The following TOGARAM2 variants were observed in gnomAD, a reference collection of about 807,000 sequenced individuals.
TOGARAM2 encodes TOG array regulator of axonemal microtubules 2, also known as TOG array regulator of axonemal microtubules protein 2.
A neutral mutation model predicts 93.3 loss-of-function variants in TOGARAM2; 85 were observed. The ratio of observed to expected loss-of-function variants is 0.91; its 90% CI spans 0.76 to 1.09. The LOEUF is 1.09. Among genes scored for constraint, TOGARAM2 ranks in the 50% least tolerant of loss-of-function variants. The probability of loss-of-function intolerance (pLI) is 0.00; values close to 1 mark genes in which losing one functional copy is unlikely to be tolerated. For synonymous variants in TOGARAM2, 593 were observed against 552.8 expected, an observed-to-expected ratio of 1.07 and a Z score of -1.02; for missense variants, 1,277 against 1,334.5, an observed-to-expected ratio of 0.96 and a Z score of 0.67.
At chr2:29,041,065 C>T (rs1011770498) in intron 18 of TOGARAM2, among the ~76,000 whole-genome samples, 2 of 149,632 alleles carry the variant, frequency 1.3e-5, no homozygotes, top group African/African-American at 5.0e-5. Flanking sequence ...GGCTCTGTCA[C>T]CCAGGCTGGA....
intron 18 of TOGARAM2, among the ~76,000 whole-genome samples, chr2:29,037,286 G>A (rs924955725): frequency 3.9e-5 from 6 of 152,132 alleles, no homozygotes; most frequent in Admixed American, 3.9e-4. Flanking sequence ...TCCTCTCATG[G>A]ATGCTAAAAG....
rs548774513 is a variant in TOGARAM2, at chr2:29,006,178, C to T, written c.830+2496C>T. ...AAGTACATGTGTGAGCATGTGTGAC[C>T]ACATGTGTGTGCATGTGTGTGAGTG... On this transcript the variant is annotated intron_variant, in intron 6 of 19. Transcript: ENST00000379558. Among the ~76,000 whole-genome samples, 9 of 72,628 alleles carry T rather than the reference C, an allele frequency of 1.2e-4. No individual in the cohort carries two copies. In the South Asian group the frequency reaches 1.9e-3, roughly 15 times the overall value. The allele number at this position is 72,628 out of a possible 152,430, so 47.6% of individuals were successfully genotyped here. A position where few individuals can be genotyped will look rare whatever the true frequency, so the allele number is the denominator to read the frequency against.
intron 3 of TOGARAM2, 72 bp from the exon 4 acceptor site, chr2:28,999,109 A>C: frequency 6.8e-7 from 1 of 1,475,688 alleles, no homozygotes; most frequent in Non-Finnish European, 9.1e-7. Flanking sequence ...AAGCAATGTC[A>C]AGGAGCTTGC....
chr2:29,014,001 G>A (rs1262059785), intron 7 of TOGARAM2, among the ~76,000 whole-genome samples: 1 of 152,136 alleles, frequency 6.6e-6, no homozygotes, highest in Non-Finnish European at 1.5e-5. Flanking sequence ...CAAGCCCATG[G>A]TCATATGAAA....
intron 19 of TOGARAM2, chr2:29,047,336 T>C (rs1173177430): frequency 6.6e-6 from 1 of 152,248 alleles, no homozygotes; most frequent in Non-Finnish European, 1.5e-5. Context: ...CTGGGTAATT[T>C]ACGGGGCCCA....
chr2:28,970,604 A>T (rs1349732331), intron 1 of TOGARAM2, among the ~76,000 whole-genome samples: 1 of 152,046 alleles, frequency 6.6e-6, no homozygotes, highest in Non-Finnish European at 1.5e-5. Flanking sequence ...ATCACTATCC[A>T]CCTATATCAA....
At chr2:28,977,002 TC>T (rs1460538754), upstream of TOGARAM2, among the ~76,000 whole-genome samples, 2 of 151,178 alleles carry the variant, frequency 1.3e-5, no homozygotes, top group Non-Finnish European at 1.5e-5. Flanking sequence ...GCCTCCATTA[TC>T]CGCTTTTCTA....
At chr2:29,041,913 G>A (rs993011377) in intron 18 of TOGARAM2, among the ~76,000 whole-genome samples, 1 of 152,228 alleles carries the variant, frequency 6.6e-6, no homozygotes, top group African/African-American at 2.4e-5. Flanking sequence ...GCTGATACTT[G>A]CATAGTAATT....
intron 4 of TOGARAM2, among the ~76,000 whole-genome samples, chr2:28,999,927 A>T (rs1441029045): frequency 6.6e-6 from 1 of 151,920 alleles, no homozygotes; most frequent in African/African-American, 2.4e-5. Context: ...TTCCTGCCTG[A>T]GGTTTAGAGC....
At chr2:29,007,682 T>TGAATG (rs902218369) in intron 6 of TOGARAM2, among the ~76,000 whole-genome samples, 1 of 152,132 alleles carries the variant, frequency 6.6e-6, no homozygotes, top group Non-Finnish European at 1.5e-5. Context: ...CCTGATTGAA[T>TGAATG]GAATGGCGGG....
chr2:28,982,196 G>A (rs1672229321), intron 1 of TOGARAM2, among the ~76,000 whole-genome samples: 1 of 152,206 alleles, frequency 6.6e-6, no homozygotes, highest in Non-Finnish European at 1.5e-5. Context: ...GGAAGTTACT[G>A]TTTGTTGTTG....
At chr2:28,981,182 C>G (rs557146461), upstream of TOGARAM2, 21 of 152,424 alleles carry the variant, frequency 1.4e-4, no homozygotes, top group African/African-American at 5.0e-4. Context: ...CTTGGTAGTG[C>G]CTGTGCTCCG....
chr2:29,024,031 G>C, intron 12 of TOGARAM2, 108 bp from the exon 13 acceptor site: 2 of 938,616 alleles, frequency 2.1e-6, no homozygotes, highest in Non-Finnish European at 3.2e-6. Flanking sequence ...CCTAGGTCAG[G>C]GGAAGGGTGG....
chr2:29,047,793 C>T (rs968651512), intron 19 of TOGARAM2: 2 of 152,054 alleles, frequency 1.3e-5, no homozygotes, highest in Non-Finnish European at 2.9e-5. Flanking sequence ...GAGTGAGCTT[C>T]CTGGGGGCTG....
rs1453661613 is a variant in TOGARAM2 at position 29,005,646 on chromosome 2, ATG to A, written c.830+1971_830+1972del. ...GTGTGGAGTGTGTGTGCATGTGTGTATGTGTGTGAGGGCATGCATGTGTGAGC... is the reference window on the plus strand; with the variant it reads ...GTGTGGAGTGTGTGTGCATGTGTGTATGTGTGAGGGCATGCATGTGTGAGC... On this transcript the variant is annotated intron_variant, in intron 6 of 19. Transcript: ENST00000379558. 2.8e-4 allele frequency among the ~76,000 whole-genome samples: 5 copies of A among 17,776 alleles called. No homozygotes were observed. The East Asian group carries it at 3.9e-3, about 14-fold the overall frequency. 11.7% of individuals were successfully genotyped at this position (17,776 alleles called of 152,430 possible).
intron 18 of TOGARAM2, among the ~76,000 whole-genome samples, chr2:29,043,566 G>A (rs919593757): frequency 6.6e-6 from 1 of 150,856 alleles, no homozygotes; most frequent in Non-Finnish European, 1.5e-5. Flanking sequence ...GTGCTGGGCT[G>A]CTGTGGTAAC....
At chr2:29,020,376 T>C (rs568592482) in intron 10 of TOGARAM2, among the ~76,000 whole-genome samples, 11 of 152,322 alleles carry the variant, frequency 7.2e-5, no homozygotes, top group African/African-American at 2.6e-4. Flanking sequence ...GAAGAGGAAC[T>C]CACTGTTTCC....
intron 1 of TOGARAM2, among the ~76,000 whole-genome samples, chr2:28,960,668 T>G (rs1671790623): frequency 6.6e-6 from 1 of 152,244 alleles, no homozygotes; most frequent in South Asian, 2.1e-4. Context: ...GTTTAACTCA[T>G]TCCTGTACCC....
In TOGARAM2 at chr2:28,986,839, C is replaced by T. The variant is rs143350491; in HGVS notation, c.-111+5301C>T. On this transcript the variant is annotated intron_variant, in intron 1 of 19. Coordinates refer to ENST00000379558, the MANE Select transcript of TOGARAM2 (RefSeq NM_199280.4). ...GATCGAGCCCTTGGGCCCAATCAGC[C>T]TATTAAATGTTTCTCATATTTTGTG... is the stretch of plus-strand genomic sequence containing the variant. Among the ~76,000 whole-genome samples the T allele has an allele frequency of 5.4e-4, 83 of 152,346 alleles. 1 individual carries two copies. Among genetic ancestry groups the T allele is most frequent in the African/African-American group, 1.9e-3 (79 of 41,576 alleles).
Sources: gnomAD v4.1 joint callset for allele counts (sites outside exome capture counted in the v4.1 genomes callset) on GRCh38, gnomAD v4.1.1 for gene constraint, MANE v1.5 for transcripts, NCBI Gene and HGNC (gene_info 2026-07-23, HGNC 2026-07-21) for gene names.